The following TNRC6A variants were observed in gnomAD, a reference collection of about 807,000 sequenced individuals.
TNRC6A encodes trinucleotide repeat containing adaptor 6A.
TNRC6A carries 44 observed loss-of-function variants against 221.2 expected under a neutral mutation model. The observed-to-expected ratio is 0.20, with a 90% CI of 0.16 to 0.26. TNRC6A has a LOEUF of 0.26. Ranked by LOEUF, TNRC6A falls within the 10% of genes least tolerant of loss-of-function variation. The pLI is 1.00. For synonymous variants in TNRC6A, 847 were observed against 838.5 expected, an observed-to-expected ratio of 1.01 and a Z score of -0.18; for missense variants, 2,199 against 2,404.4, an observed-to-expected ratio of 0.91 and a Z score of 1.79.
chr16:24,659,679 G>A (rs983615725), intron 2 of TNRC6A, among the ~76,000 whole-genome samples: 2 of 152,178 alleles, frequency 1.3e-5, no homozygotes, highest in Non-Finnish European at 2.9e-5. Flanking sequence ...CTGGGCTCAA[G>A]CAATCCTCCT....
chr16:24,630,815 A>G (rs1427414529), intron 1 of TNRC6A, among the ~76,000 whole-genome samples: 2 of 152,118 alleles, frequency 1.3e-5, no homozygotes, highest in African/African-American at 2.4e-5. Flanking sequence ...AGTACCTAAA[A>G]CCCTGGGATT....
chr16:24,679,641 T>C (rs1002513773), intron 2 of TNRC6A, among the ~76,000 whole-genome samples: 2 of 151,988 alleles, frequency 1.3e-5, no homozygotes, highest in African/African-American at 4.8e-5. Context: ...CACATCTGGC[T>C]AATTTTTTGT....
Position 24,777,057 on chromosome 16 carries a change from G to A in TNRC6A, c.288G>A (p.Gln96=). ...KRATANNQQP[Q]QQQQQQQPQQ... is the part of the protein sequence containing the mutation. The stretch of plus-strand genomic sequence containing the variant: ...CTACAGCCAACAATCAGCAGCCACA[G>A]CAGCAGCAGCAACAGCAGCAGCCGC... The change falls in exon 5 of 25, where the codon CAG becomes CAA. Residue 96 remains glutamine (Q), a synonymous_variant. Transcript: ENST00000395799. 1 of 1,605,500 alleles carries A rather than the reference G, an allele frequency of 6.2e-7. No individual in the cohort carries two copies. The highest frequency in any genetic ancestry group is 2.2e-5 in the East Asian group (1 of 44,774).
intron 8 of TNRC6A, among the ~76,000 whole-genome samples, chr16:24,795,490 C>T (rs1456011574): frequency 1.3e-5 from 2 of 152,158 alleles, no homozygotes; most frequent in Non-Finnish European, 2.9e-5. Flanking sequence ...GTGGTTCTAA[C>T]ATAACATCCT....
chr16:24,782,867 G>A (rs113373179), intron 5 of TNRC6A, among the ~76,000 whole-genome samples: 1,660 of 152,106 alleles, frequency 0.011, 19 homozygotes, highest in Admixed American at 0.02. Context: ...GCAAGACTCC[G>A]TCTGACAAAA....
In TNRC6A at chr16:24,630,770, T is replaced by C. The variant is rs557582605; in HGVS notation, n.277-10114T>C. ...ATTCACAGGGCCAAACAAACATGGCTAGTCAGAAGTTGTCCCTTCACGGAC... is the reference window on the plus strand; with the variant it reads ...ATTCACAGGGCCAAACAAACATGGCCAGTCAGAAGTTGTCCCTTCACGGAC... On this transcript the variant is annotated intron_variant and non_coding_transcript_variant, in intron 1 of 2. Coordinates refer to the TNRC6A transcript ENST00000566108. Among the ~76,000 whole-genome samples the C allele has an allele frequency of 5.8e-3, 890 of 152,278 alleles. 9 individuals carry two copies. Among genetic ancestry groups the C allele is most frequent in the Non-Finnish European group, 8.6e-3 (588 of 68,014 alleles).
chr16:24,794,942 C>A (rs1446901662), intron 8 of TNRC6A, among the ~76,000 whole-genome samples: 1 of 152,150 alleles, frequency 6.6e-6, no homozygotes, highest in African/African-American at 2.4e-5. Context: ...CTCTCTTCCT[C>A]CCCCTCCACC....
At position 24,790,801 on chromosome 16, in the gene TNRC6A, A is replaced by C. The variant is rs1433791242; in HGVS notation, c.2159A>C (p.Asn720Thr). The C allele has an allele frequency of 6.2e-7, 1 of 1,614,118 alleles. No homozygotes were observed. Among genetic ancestry groups the C allele is most frequent in the Admixed American group, 1.7e-5 (1 of 60,016 alleles). ...GACTTAGATCCACGTGTCCTGTCCA[A>C]CTCTGGTTGGGGACAGACTCCTATT... ...RTDLDPRVLSNSGWGQTPIKQ... is the reference protein window; with the variant it reads ...RTDLDPRVLSTSGWGQTPIKQ... Residue 720 changes from asparagine (N) to threonine (T), a missense_variant, in exon 6 of 25, where the codon AAC becomes ACC. Physicochemically the swap from Asn to Thr is moderately conservative, Grantham distance 65. Coordinates refer to ENST00000395799, the MANE Select transcript of TNRC6A (RefSeq NM_014494.4).
intron 2 of TNRC6A, among the ~76,000 whole-genome samples, chr16:24,717,112 C>T (rs1197292931): frequency 6.6e-6 from 1 of 151,974 alleles, no homozygotes; most frequent in Non-Finnish European, 1.5e-5. Context: ...GAGACAGGGC[C>T]TCACAATGTT....
intron 2 of TNRC6A, among the ~76,000 whole-genome samples, chr16:24,709,717 C>T (rs1021081394): frequency 4.8e-5 from 7 of 147,198 alleles, no homozygotes; most frequent in African/African-American, 1.0e-4. Flanking sequence ...CCCTGCTATG[C>T]GGGAGGCTGA....
intron 2 of TNRC6A, among the ~76,000 whole-genome samples, chr16:24,689,542 G>A (rs1429544280): frequency 6.6e-6 from 1 of 152,176 alleles, no homozygotes; most frequent in Non-Finnish European, 1.5e-5. Flanking sequence ...TCATTCATTT[G>A]CTCATTCATT....
Position 24,823,655 on chromosome 16 carries a change from C to T in TNRC6A, c.5737C>T (p.Leu1913Phe), listed in dbSNP as rs1227411741. The T allele has an allele frequency of 9.9e-6, 16 of 1,612,338 alleles. No homozygotes were observed. The highest frequency in any genetic ancestry group is 5.0e-5 in the Admixed American group (3 of 59,882). The change falls in exon 25 of 25, where the codon CTT becomes TTT. Residue 1913 changes from leucine (L) to phenylalanine (F), a missense_variant. Transcript: ENST00000395799. This position sits in a 1 kb window ranked among gnomAD's most constrained non-coding sequence, Gnocchi z 4.3. The stretch of plus-strand genomic sequence containing the variant: ...GCTGTCGGGAACTAACTGTGGAGAC[C>T]TTCACGGCACTTCACTCTGGGGGAC... Reference protein sequence around the residue: ...AGLSGTNCGDLHGTSLWGTPH... With the variant: ...AGLSGTNCGDFHGTSLWGTPH...
chr16:24,688,085 A>G (rs1000432953), intron 2 of TNRC6A, among the ~76,000 whole-genome samples: 41 of 148,446 alleles, frequency 2.8e-4, no homozygotes, highest in Admixed American at 2.5e-3. Context: ...GGTGTCCACC[A>G]CCATGCCCTG....
At position 24,801,567 on chromosome 16, in the gene TNRC6A, T is replaced by C. The variant is rs1364874828; in HGVS notation, c.3695-2610T>C. ...TTTTTTTTTTGAGTTGGAGTCTCAC[T>C]GAGGCTGGAGTGCAGTGGCGCAATC... On this transcript the variant is annotated intron_variant, in intron 11 of 24. Coordinates refer to ENST00000395799, the MANE Select transcript of TNRC6A (RefSeq NM_014494.4). Among the ~76,000 whole-genome samples, 3 of 144,356 alleles carry C rather than the reference T, an allele frequency of 2.1e-5. No homozygotes were observed. In the East Asian group the frequency reaches 6.1e-4, roughly 29 times the overall value. The allele number at this position is 144,356 out of a possible 152,430, so 94.7% of individuals were successfully genotyped here. A position where few individuals can be genotyped will look rare whatever the true frequency, so the allele number is the denominator to read the frequency against.
intron 2 of TNRC6A, among the ~76,000 whole-genome samples, chr16:24,749,562 C>G (rs965909587): frequency 1.3e-5 from 2 of 152,166 alleles, no homozygotes; most frequent in African/African-American, 4.8e-5. Context: ...CTCTCTTGCT[C>G]TGGTCTTCTG....
intron 2 of TNRC6A, among the ~76,000 whole-genome samples, chr16:24,717,770 CTTTTTTT>C (rs71383705): frequency 1.9e-5 from 2 of 107,366 alleles, no homozygotes; most frequent in African/African-American, 3.5e-5. Context: ...TTTTTTTTTT[CTTTTTTT>C]TTTTTTTTTT....
rs569851192 is a variant in TNRC6A, at chr16:24,637,879, G to C, written n.277-3005G>C. 1.1e-4 allele frequency among the ~76,000 whole-genome samples: 16 copies of C among 152,210 alleles called. No homozygotes were observed. The South Asian group carries it at 3.3e-3, about 32-fold the overall frequency. ...TGGCTCACTGCACCCTCCACCTCCT[G>C]GTTCAAGCGATTCTCCTGTCTCAGC... On this transcript the variant is annotated intron_variant and non_coding_transcript_variant, in intron 1 of 2. Coordinates refer to the TNRC6A transcript ENST00000566108.
intron 2 of TNRC6A, among the ~76,000 whole-genome samples, chr16:24,658,798 A>ATTTTCTTTTCT (rs780362400): frequency 6.6e-6 from 1 of 150,818 alleles, no homozygotes; most frequent in Non-Finnish European, 1.5e-5. Context: ...TTTTTTGTGT[A>ATTTTCTTTTCT]TTTTCTTTTC....
chr16:24,816,460 T>G (rs1345069476), intron 19 of TNRC6A: 1 of 175,784 alleles, frequency 5.7e-6, no homozygotes, highest in East Asian at 1.7e-4. Flanking sequence ...GAGCTGTGAT[T>G]GCACCACTAC....
Sources: allele counts gnomAD v4.1 joint callset (sites outside exome capture counted in the v4.1 genomes callset), GRCh38; gene constraint gnomAD v4.1.1; non-coding constraint Gnocchi (gnomAD v3.1); transcripts MANE v1.5; gene names NCBI Gene and HGNC (gene_info 2026-07-23, HGNC 2026-07-21).